The following NKIRAS1 variants were observed in gnomAD, a reference collection of about 807,000 sequenced individuals.
NKIRAS1 encodes NFKB inhibitor interacting Ras like 1.
Under a neutral mutation model 19.8 loss-of-function variants are expected in NKIRAS1, and 16 were observed. That is an observed-to-expected ratio of 0.81 (90% confidence interval 0.55 to 1.23). NKIRAS1 has a LOEUF of 1.23. Ranked by LOEUF, NKIRAS1 falls within the 50% of genes most tolerant of loss-of-function variation. NKIRAS1 has a pLI of 0.00. For missense variants in NKIRAS1, 184 were observed against 220.0 expected, an observed-to-expected ratio of 0.84 and a Z score of 1.04; for synonymous variants, 88 against 79.0, an observed-to-expected ratio of 1.11 and a Z score of -0.61.
chr3:23,920,271 A>G (rs1133926), upstream of NKIRAS1: 188,997 of 985,266 alleles, frequency 0.19, 18,641 homozygotes, highest in Non-Finnish European at 0.2. Flanking sequence ...CATTAGGGGG[A>G]AAGTAGTTGG....
At chr3:23,895,664 A>G (rs1701906114) in intron 4 of NKIRAS1, among the ~76,000 whole-genome samples, 1 of 152,162 alleles carries the variant, frequency 6.6e-6, no homozygotes, top group South Asian at 2.1e-4. Context: ...GGCCCAGATC[A>G]TACCACTGAT....
rs567355103 is a variant in NKIRAS1 at position 23,916,904 on chromosome 3, C to A, written c.-260G>T. ...AGACAGTCGCCGACGCTCGCTTAGCCGCCGAGACCTCGCCGCCAACTCTCT... is the reference window on the plus strand; with the variant it reads ...AGACAGTCGCCGACGCTCGCTTAGCAGCCGAGACCTCGCCGCCAACTCTCT... On this transcript the variant is annotated 5_prime_UTR_variant, in exon 1 of 5. Coordinates refer to ENST00000425478, the MANE Select transcript of NKIRAS1 (RefSeq NM_020345.4). 1 of 152,874 alleles carries A rather than the reference C, an allele frequency of 6.5e-6. No individual in the cohort carries two copies. The highest frequency in any genetic ancestry group is 1.5e-5 in the Non-Finnish European group (1 of 68,092). 9.5% of individuals were successfully genotyped at this position (152,874 alleles called of 1,614,324 possible).
intron 3 of NKIRAS1, 41 bp downstream of exon 3, chr3:23,910,770 C>T (rs1703619315): frequency 6.8e-7 from 1 of 1,470,802 alleles, no homozygotes. Context: ...CCCCTGATAG[C>T]TCCCAGAACC....
At chr3:23,923,676 A>G (rs1705155764) in intron 1 of NKIRAS1, 1 of 152,254 alleles carries the variant, frequency 6.6e-6, no homozygotes, top group East Asian at 1.9e-4. Context: ...TCATCTGTAG[A>G]ATAAATTCTT....
intron 4 of NKIRAS1, among the ~76,000 whole-genome samples, chr3:23,900,106 G>C (rs1025362688): frequency 6.6e-6 from 1 of 152,060 alleles, no homozygotes; most frequent in African/African-American, 2.4e-5. Context: ...AGGTTGCAGT[G>C]AGCCAAGATC....
rs1229775597 is a variant in NKIRAS1 at position 23,945,431 on chromosome 3, G to C, written c.-140+892C>G. 3 of 251,308 alleles carry C rather than the reference G, an allele frequency of 1.2e-5. No homozygotes were observed. The South Asian group carries it at 4.3e-4, about 36-fold the overall frequency. The allele number at this position is 251,308 out of a possible 1,614,324, so 15.6% of individuals were successfully genotyped here. A position where few individuals can be genotyped will look rare whatever the true frequency, so the allele number is the denominator to read the frequency against. The stretch of plus-strand genomic sequence containing the variant: ...GCCTGCTGTGCGCTGCACGGCCTGG[G>C]GCCCGGGAGCCCCGCCCGCTCTGCC... On this transcript the variant is annotated intron_variant, in intron 1 of 4. Coordinates refer to the NKIRAS1 transcript ENST00000421515.
chr3:23,929,422 T>A (rs1240407119), intron 1 of NKIRAS1, among the ~76,000 whole-genome samples: 4 of 151,908 alleles, frequency 2.6e-5, no homozygotes, highest in Non-Finnish European at 5.9e-5. Flanking sequence ...TGAAAAAATT[T>A]GTTTATTTAT....
At chr3:23,941,226 C>CT (rs906736499) in intron 1 of NKIRAS1, among the ~76,000 whole-genome samples, 1 of 152,148 alleles carries the variant, frequency 6.6e-6, no homozygotes, top group Admixed American at 6.5e-5. Flanking sequence ...TCACCTTTCT[C>CT]TTTTTTTCCT....
chr3:23,909,345 A>G (rs1413474067), intron 3 of NKIRAS1, among the ~76,000 whole-genome samples: 1 of 152,104 alleles, frequency 6.6e-6, no homozygotes, highest in African/African-American at 2.4e-5. Context: ...AACGTGGTGA[A>G]ACCCCGTCTC....
chr3:23,902,152 A>ACC (rs549336924), intron 3 of NKIRAS1, among the ~76,000 whole-genome samples: 1 of 151,760 alleles, frequency 6.6e-6, no homozygotes, highest in Non-Finnish European at 1.5e-5. Context: ...AACATCCTAT[A>ACC]CCCCCCCCAA....
At chr3:23,909,858 TTTTTTG>T (rs1302388999) in intron 3 of NKIRAS1, among the ~76,000 whole-genome samples, 3 of 117,450 alleles carry the variant, frequency 2.6e-5, no homozygotes, top group Non-Finnish European at 3.9e-5. Context: ...GTTTTTGTTT[TTTTTTG>T]TTTTTTTTTT....
rs1468754371 is a variant in NKIRAS1, at chr3:23,922,267, C to G, written c.-139-10817G>C. The G allele has an allele frequency of 2.6e-5, 4 of 152,256 alleles. No individual in the cohort carries two copies. Among genetic ancestry groups the G allele is most frequent in the African/African-American group, 7.2e-5 (3 of 41,452 alleles). 9.4% of individuals were successfully genotyped at this position (152,256 alleles called of 1,614,324 possible). On this transcript the variant is annotated intron_variant, in intron 1 of 4. Coordinates refer to the NKIRAS1 transcript ENST00000421515. The surrounding 1 kb of genome is among the most constrained non-coding windows in gnomAD (Gnocchi z 4.2). Reference sequence around the variant, plus strand: ...CTCAAAAATAACAATTGGTTTCTTACAATCCCAAAAGGTGCAGTTACTAGT... The same window carrying G: ...CTCAAAAATAACAATTGGTTTCTTAGAATCCCAAAAGGTGCAGTTACTAGT...
intron 4 of NKIRAS1, among the ~76,000 whole-genome samples, chr3:23,900,284 GAAAGTC>G (rs1702382220): frequency 6.6e-6 from 1 of 152,188 alleles, no homozygotes; most frequent in Non-Finnish European, 1.5e-5. Flanking sequence ...GCAAAAGGCA[GAAAGTC>G]AAATTCTGGT....
rs867788931 is a variant in NKIRAS1 at position 23,894,173 on chromosome 3, G to A, written c.337-836C>T. On this transcript the variant is annotated intron_variant, in intron 4 of 4. Transcript: ENST00000425478. ...ATGCTTACTATACACCAGACACTGCGCGTGACAGAATACAGCAGTCAAAGC... is the reference window on the plus strand; with the variant it reads ...ATGCTTACTATACACCAGACACTGCACGTGACAGAATACAGCAGTCAAAGC... Among the ~76,000 whole-genome samples, 11 of 152,276 alleles carry A rather than the reference G, an allele frequency of 7.2e-5. No homozygotes were observed. The South Asian group carries it at 8.3e-4, about 11-fold the overall frequency.
chr3:23,914,658 G>A (rs947550740), intron 1 of NKIRAS1, among the ~76,000 whole-genome samples: 1 of 152,098 alleles, frequency 6.6e-6, no homozygotes, highest in Non-Finnish European at 1.5e-5. Flanking sequence ...GGACAAACTA[G>A]GGGGCAAAAA....
At position 23,934,380 on chromosome 3, in the gene NKIRAS1, C is replaced by G. The variant is rs533223678; in HGVS notation, c.-140+11943G>C. Among the ~76,000 whole-genome samples the G allele has an allele frequency of 4.6e-5, 7 of 152,308 alleles. No homozygotes were observed. The East Asian group carries it at 1.3e-3, about 29-fold the overall frequency. Reference sequence around the variant, plus strand: ...AAAGTAAGAAAGCACACATTTTAGGCAGCTGTGGGCGATGCTGTCATAATG... The same window carrying G: ...AAAGTAAGAAAGCACACATTTTAGGGAGCTGTGGGCGATGCTGTCATAATG... On this transcript the variant is annotated intron_variant, in intron 1 of 4. Coordinates refer to the NKIRAS1 transcript ENST00000421515.
At chr3:23,896,856 A>G (rs1323501716) in intron 4 of NKIRAS1, among the ~76,000 whole-genome samples, 1 of 151,970 alleles carries the variant, frequency 6.6e-6, no homozygotes, top group Non-Finnish European at 1.5e-5. Flanking sequence ...AACAACTCCA[A>G]GATATGTTAC....
chr3:23,918,325 G>T, upstream of NKIRAS1: 1 of 1,228,522 alleles, frequency 8.1e-7, no homozygotes, highest in South Asian at 1.5e-5. Flanking sequence ...TTTTCTATTA[G>T]ATAGCATTAA....
intron 1 of NKIRAS1, among the ~76,000 whole-genome samples, chr3:23,925,635 A>G (rs1705199586): frequency 6.7e-6 from 1 of 150,132 alleles, no homozygotes; most frequent in South Asian, 2.1e-4. Context: ...CTCTGTCTCA[A>G]AAAAATAAAT....
Sources: gnomAD v4.1 joint callset for allele counts (sites outside exome capture counted in the v4.1 genomes callset) on GRCh38, gnomAD v4.1.1 for gene constraint, Gnocchi (gnomAD v3.1) non-coding constraint, MANE v1.5 for transcripts, NCBI Gene and HGNC (gene_info 2026-07-23, HGNC 2026-07-21) for gene names.